The following CEMIP2 variants were observed in gnomAD, a reference collection of about 807,000 sequenced individuals.
CEMIP2 encodes cell surface hyaluronidase CEMIP2.
In CEMIP2, 79 loss-of-function variants were observed where a neutral mutation model predicts 146.9. The ratio of observed to expected loss-of-function variants is 0.54; its 90% CI spans 0.45 to 0.65. The LOEUF (loss-of-function observed/expected upper bound fraction) is 0.65. Ranked by LOEUF, CEMIP2 falls within the 30% of genes least tolerant of loss-of-function variation. The pLI is 0.00. For missense variants in CEMIP2, 1,596 were observed against 1,696.2 expected, an observed-to-expected ratio of 0.94 and a Z score of 1.04; for synonymous variants, 601 against 606.3, an observed-to-expected ratio of 0.99 and a Z score of 0.13.
chr9:71,710,921 T>C (rs1822887131), intron 16 of CEMIP2, among the ~76,000 whole-genome samples: 1 of 152,224 alleles, frequency 6.6e-6, no homozygotes, highest in African/African-American at 2.4e-5. Context: ...AAACCAGACA[T>C]AGACTTTGAT....
intron 1 of CEMIP2, among the ~76,000 whole-genome samples, chr9:71,765,336 C>T (rs1824759139): frequency 6.6e-6 from 1 of 152,092 alleles, no homozygotes; most frequent in Non-Finnish European, 1.5e-5. Context: ...ACAGCATTAG[C>T]CTGTACAGTA....
rs917682304 is a variant in CEMIP2 at position 71,725,607 on chromosome 9, T to A, written c.2152A>T (p.Asn718Tyr). Residue 718 changes from asparagine (N) to tyrosine (Y), a missense_variant, in exon 11 of 24, where the codon AAC (asparagine) becomes TAC (tyrosine). By Grantham distance (143) the Asn-to-Tyr change is moderately radical (BLOSUM62 -2). Coordinates refer to ENST00000377044, the MANE Select transcript of CEMIP2 (RefSeq NM_013390.3). ...TTAAAATTTGAATGGACCCTGTTGT[T>A]ATAAAATATACCCAATGGAGTGAGT... ...PELTPLGIFY[N>Y]NRVHSNFKAG... 1.9e-6 allele frequency: 3 copies of A among 1,613,904 alleles called. No individual in the cohort carries two copies. The highest frequency in any genetic ancestry group is 2.2e-5 in the South Asian group (2 of 91,076).
chr9:71,695,575 G>A (rs917338236), intron 20 of CEMIP2, among the ~76,000 whole-genome samples: 8 of 152,106 alleles, frequency 5.3e-5, no homozygotes, highest in African/African-American at 1.7e-4. Context: ...TTGGGAGGCT[G>A]AGGCAGGAGA....
rs138741974 is a variant in CEMIP2, at chr9:71,719,925, C to G, written c.2268-1846G>C. On this transcript the variant is annotated intron_variant, in intron 12 of 23. Transcript: ENST00000377044. ...ATCTCAACTTCTCTGAACTTCCTATCAATATAAATCAATCACGACACCCCC... is the reference window on the plus strand; with the variant it reads ...ATCTCAACTTCTCTGAACTTCCTATGAATATAAATCAATCACGACACCCCC... 1.8e-4 allele frequency among the ~76,000 whole-genome samples: 27 copies of G among 149,480 alleles called. No homozygotes were observed. The Middle Eastern group carries it at 0.011, about 59-fold the overall frequency.
intron 1 of CEMIP2, among the ~76,000 whole-genome samples, chr9:71,752,471 AGGAAGGAAGGGGGAG>A (rs1564025981): frequency 1.3e-5 from 1 of 76,034 alleles, no homozygotes. Flanking sequence ...GAAGGAAGGA[AGGAAGGAAGGGGGAG>A]GGAAGGAGGG....
rs573135145 is a variant in CEMIP2, at chr9:71,687,631, C to T, written c.3852-1785G>A. 5.9e-5 allele frequency among the ~76,000 whole-genome samples: 9 copies of T among 151,988 alleles called. No homozygotes were observed. In the East Asian group the frequency reaches 1.2e-3, roughly 20 times the overall value. On this transcript the variant is annotated intron_variant, in intron 22 of 23. Coordinates refer to ENST00000377044, the MANE Select transcript of CEMIP2 (RefSeq NM_013390.3). The stretch of plus-strand genomic sequence containing the variant: ...ATCATTTGAGCCCAGGAGTTCAAGA[C>T]CAGCCTGGGAAACACAGCAAAACTC...
chr9:71,745,538 T>A lies in CEMIP2; in HGVS notation c.514A>T (p.Ile172Phe). ...FGDNKDGSRN[I>F]TLRTHYILIQ... ...AGGATGTAATGAGTCCTCAAAGTAA[T>A]ATTTCTGGATCCATCTTTATTGTCC... Residue 172 changes from isoleucine to phenylalanine, a missense_variant, in exon 4 of 24, where the codon ATT (isoleucine) becomes TTT (phenylalanine). Coordinates refer to ENST00000377044, the MANE Select transcript of CEMIP2 (RefSeq NM_013390.3). 6.2e-7 allele frequency: 1 copy of A among 1,612,288 alleles called. No individual in the cohort carries two copies. The highest frequency in any genetic ancestry group is 8.5e-7 in the Non-Finnish European group (1 of 1,179,698).
intron 1 of CEMIP2, among the ~76,000 whole-genome samples, chr9:71,761,994 G>A (rs934814168): frequency 3.4e-5 from 5 of 146,682 alleles, no homozygotes; most frequent in African/African-American, 7.3e-5. Context: ...ACTGAACTCC[G>A]CCATTTAAAT....
rs1554684647 is a variant in CEMIP2 at position 71,728,241 on chromosome 9, A to ACGTG, written c.2049+1603_2049+1604insCACG. 1.2e-4 allele frequency among the ~76,000 whole-genome samples: 6 copies of ACGTG among 48,082 alleles called. 1 individual carries two copies. Among genetic ancestry groups the ACGTG allele is most frequent in the Non-Finnish European group, 2.7e-4 (6 of 21,980 alleles). The allele number at this position is 48,082 out of a possible 152,430, so 31.5% of individuals were successfully genotyped here. ...TCTCTCTCTCTCTCTCTATATATAT[A>ACGTG]TATATATATGTATATACACGTATAT... On this transcript the variant is annotated intron_variant, in intron 10 of 23. Coordinates refer to ENST00000377044, the MANE Select transcript of CEMIP2 (RefSeq NM_013390.3).
chr9:71,752,381 T>C (rs1290360977), intron 1 of CEMIP2, among the ~76,000 whole-genome samples: 2 of 114,990 alleles, frequency 1.7e-5, no homozygotes, highest in Non-Finnish European at 3.7e-5. Flanking sequence ...TTTTTTACGT[T>C]CTCTATAAAG....
chr9:71,747,677 A>G lies in CEMIP2; in HGVS notation c.332-1336T>C, dbSNP rs558823963. ...TTAGGAATAACAAGAGAAAAAGTAG[A>G]GAGGTAGGGTGCTACACAAACATAT... On this transcript the variant is annotated intron_variant, in intron 2 of 23. Transcript: ENST00000377044. Among the ~76,000 whole-genome samples, 13 of 152,290 alleles carry G rather than the reference A, an allele frequency of 8.5e-5. No individual in the cohort carries two copies. The South Asian group carries it at 2.5e-3, about 29-fold the overall frequency.
intron 1 of CEMIP2, among the ~76,000 whole-genome samples, chr9:71,752,596 C>T (rs1824294731): frequency 6.6e-6 from 1 of 151,066 alleles, no homozygotes; most frequent in Admixed American, 6.6e-5. Context: ...GGTGTTTAAC[C>T]TCTTACATCC....
chr9:71,756,325 ATGTG>A (rs149022632), intron 1 of CEMIP2, among the ~76,000 whole-genome samples: 1 of 149,730 alleles, frequency 6.7e-6, no homozygotes, highest in Middle Eastern at 3.4e-3. Flanking sequence ...GTGCGTGTGT[ATGTG>A]TGTGTGTATA....
chr9:71,721,160 T>C (rs552267255), intron 12 of CEMIP2, among the ~76,000 whole-genome samples: 1 of 152,190 alleles, frequency 6.6e-6, no homozygotes, highest in African/African-American at 2.4e-5. Flanking sequence ...TTTTTGGCAA[T>C]GCTAAGCAAA....
At chr9:71,703,897 T>C (rs1169795339) in intron 18 of CEMIP2, among the ~76,000 whole-genome samples, 1 of 152,218 alleles carries the variant, frequency 6.6e-6, no homozygotes, top group Non-Finnish European at 1.5e-5. Context: ...TATTTAATAG[T>C]TGCTCTATCA....
chr9:71,720,248 CA>C (rs1823195315), intron 12 of CEMIP2, among the ~76,000 whole-genome samples: 1 of 151,320 alleles, frequency 6.6e-6, no homozygotes, highest in South Asian at 2.1e-4. Flanking sequence ...CCTATATTTT[CA>C]CGTCTTGAAG....
Position 71,746,214 on chromosome 9 carries a change from G to C in CEMIP2, c.459C>G (p.Val153=). 6.2e-7 allele frequency: 1 copy of C among 1,613,468 alleles called. No homozygotes were observed. Among genetic ancestry groups the C allele is most frequent in the Non-Finnish European group, 8.5e-7 (1 of 1,179,652 alleles). Residue 153 remains valine, a synonymous_variant, in exon 3 of 24, where the codon GTC becomes GTG. Coordinates refer to ENST00000377044, the MANE Select transcript of CEMIP2 (RefSeq NM_013390.3). ...ACCATTACCTACCTCCATCCTGAAT[G>C]ACTATAGAATGCACGGTGGCGTCTG... is the stretch of plus-strand genomic sequence containing the variant. The part of the protein sequence containing the change: ...LTSDATVHSI[V]IQDGGLLVFG...
intron 1 of CEMIP2, among the ~76,000 whole-genome samples, chr9:71,764,086 T>G (rs1361434302): frequency 6.6e-6 from 1 of 152,216 alleles, no homozygotes; most frequent in East Asian, 1.9e-4. Flanking sequence ...TATTCTATGA[T>G]TCACAAGCCA....
Position 71,740,045 on chromosome 9 carries a change from T to C in CEMIP2, c.1204+18A>G, listed in dbSNP as rs1823869927. On this transcript the variant is annotated intron_variant, in intron 5 of 23. Transcript: ENST00000377044. ...TACTTATCAGTGTCTTACAAGAGTATAAACTCTACTTGCCTACCTTCAATC... is the reference window on the plus strand; with the variant it reads ...TACTTATCAGTGTCTTACAAGAGTACAAACTCTACTTGCCTACCTTCAATC... 1.9e-6 allele frequency: 3 copies of C among 1,610,070 alleles called. No homozygotes were observed. The highest frequency in any genetic ancestry group is 2.5e-6 in the Non-Finnish European group (3 of 1,178,070).
Sources: gnomAD v4.1 joint callset for allele counts (sites outside exome capture counted in the v4.1 genomes callset) on GRCh38, gnomAD v4.1.1 for gene constraint, MANE v1.5 for transcripts, NCBI Gene and HGNC (gene_info 2026-07-23, HGNC 2026-07-21) for gene names.